The following LAMA2 variants were observed in gnomAD, a reference collection of about 807,000 sequenced individuals.
The protein encoded by LAMA2 is laminin subunit alpha 2, also known as laminin subunit alpha-2.
A neutral mutation model predicts 364.8 loss-of-function variants in LAMA2; 269 were observed. That is an observed-to-expected ratio of 0.74 (90% CI 0.67 to 0.82). LAMA2 has a LOEUF of 0.82. Among genes scored for constraint, LAMA2 ranks in the 40% least tolerant of loss-of-function variants. The pLI, the probability that LAMA2 is intolerant of heterozygous loss-of-function variation, is 0.00. For missense variants in LAMA2, 3,807 were observed against 3,873.2 expected (o/e 0.98, Z 0.45); for synonymous variants, 1,379 against 1,370.6 (o/e 1.01, Z -0.14).
chr6:129,497,458 G>A lies in LAMA2; in HGVS notation c.8244+4975G>A, dbSNP rs543171919. ...TCACCATGTTGGCCAGGCTGGTCTC[G>A]AACTCTTGGGAAGTGATCCACCTGC... On this transcript the variant is annotated intron_variant, in intron 58 of 64. Coordinates refer to ENST00000421865, the MANE Select transcript of LAMA2 (RefSeq NM_000426.4). 8.5e-5 allele frequency among the ~76,000 whole-genome samples: 13 copies of A among 152,152 alleles called. No homozygotes were observed. In the East Asian group the frequency reaches 9.7e-4, roughly 11 times the overall value.
intron 1 of LAMA2, among the ~76,000 whole-genome samples, chr6:129,018,016 A>G (rs995548910): frequency 2.5e-4 from 38 of 151,686 alleles, no homozygotes; most frequent in African/African-American, 8.7e-4. Context: ...GTGATTTGAA[A>G]CATTTTAGGG....
At position 129,291,697 on chromosome 6, in the gene LAMA2, G is replaced by C. The variant is rs372574661; in HGVS notation, c.2833G>C (p.Gly945Arg). The part of the protein sequence containing the change: ...GQCECRANVQ[G>R]QRCDKCKAGT... ...GTGTGAGTGCAGAGCCAACGTTCAG[G>C]GTCAGAGATGTGACAAATGCAAGGT... The change falls in exon 20 of 65, where the codon GGT becomes CGT. Residue 945 changes from glycine (G) to arginine (R), a missense_variant. Gly to Arg is a moderately radical substitution (Grantham distance 125). Around this residue, in one of 3 missense-constraint regions of LAMA2, gnomAD observed 3,333 missense variants for 3,345.7 expected, o/e 1.00. Transcript: ENST00000421865. 2.5e-6 allele frequency: 4 copies of C among 1,613,472 alleles called. No homozygotes were observed. In the African/African-American group the frequency reaches 5.3e-5, roughly 22 times the overall value.
At chr6:128,898,797 T>C (rs1339353440) in intron 1 of LAMA2, among the ~76,000 whole-genome samples, 2 of 152,236 alleles carry the variant, frequency 1.3e-5, no homozygotes, top group African/African-American at 2.4e-5. Context: ...TGACAGCTCT[T>C]GTATTTTTCT....
intron 1 of LAMA2, among the ~76,000 whole-genome samples, chr6:128,955,829 C>G (rs1271286543): frequency 1.3e-5 from 2 of 151,890 alleles, no homozygotes; most frequent in East Asian, 3.9e-4. Flanking sequence ...ATTGTAAAAA[C>G]ATTTTAAATG....
At chr6:129,254,498 C>T (rs1786493802) in intron 14 of LAMA2, among the ~76,000 whole-genome samples, 2 of 152,152 alleles carry the variant, frequency 1.3e-5, no homozygotes, top group African/African-American at 4.8e-5. Flanking sequence ...TAACCCAGCA[C>T]ACAAATATGA....
chr6:129,092,673 A>G (rs926785606), intron 3 of LAMA2, among the ~76,000 whole-genome samples: 4 of 152,238 alleles, frequency 2.6e-5, no homozygotes, highest in African/African-American at 7.2e-5. Context: ...GCAATATGGG[A>G]AGGAGGCGGA....
intron 4 of LAMA2, among the ~76,000 whole-genome samples, chr6:129,109,818 T>G (rs1776037877): frequency 6.6e-6 from 1 of 152,104 alleles, no homozygotes; most frequent in Admixed American, 6.6e-5. Flanking sequence ...TTTCTGTTAT[T>G]TTTATTATTA....
intron 10 of LAMA2, among the ~76,000 whole-genome samples, chr6:129,179,803 C>T (rs1188157483): frequency 6.6e-6 from 1 of 152,006 alleles, no homozygotes. Flanking sequence ...TTGCAGAAAG[C>T]AAGTTTCATA....
intron 8 of LAMA2, among the ~76,000 whole-genome samples, chr6:129,160,297 T>A (rs991882124): frequency 2.0e-5 from 3 of 152,104 alleles, no homozygotes; most frequent in African/African-American, 7.2e-5. Flanking sequence ...TATTAATATC[T>A]TTAGGGAGGG....
chr6:129,205,495 C>CAT lies in LAMA2; in HGVS notation c.1782+12643_1782+12644insTA, dbSNP rs1449237856. ...TTCTGTAAGTATATATATATATATACACACACACACACACACACACACACA... is the reference window on the plus strand; with the variant it reads ...TTCTGTAAGTATATATATATATATACATACACACACACACACACACACACACA... On this transcript the variant is annotated intron_variant, in intron 12 of 64. Coordinates refer to ENST00000421865, the MANE Select transcript of LAMA2 (RefSeq NM_000426.4). 5.9e-5 allele frequency among the ~76,000 whole-genome samples: 4 copies of CAT among 67,618 alleles called. No homozygotes were observed. In the East Asian group the frequency reaches 1.1e-3, roughly 19 times the overall value. 44.4% of individuals were successfully genotyped at this position (67,618 alleles called of 152,430 possible). A position where few individuals can be genotyped will look rare whatever the true frequency, so the allele number is the denominator to read the frequency against.
At chr6:128,939,029 A>G (rs1167437184) in intron 1 of LAMA2, among the ~76,000 whole-genome samples, 1 of 152,094 alleles carries the variant, frequency 6.6e-6, no homozygotes, top group Non-Finnish European at 1.5e-5. Flanking sequence ...TGGAACAGTT[A>G]TTCAGCTTAC....
intron 1 of LAMA2, among the ~76,000 whole-genome samples, chr6:128,914,392 G>A (rs377574158): frequency 1.8e-4 from 28 of 152,216 alleles, no homozygotes; most frequent in East Asian, 7.7e-4. Context: ...TGAAATCAGC[G>A]AACAAAATGT....
chr6:129,124,740 A>G (rs972537500), intron 4 of LAMA2, among the ~76,000 whole-genome samples: 2 of 152,252 alleles, frequency 1.3e-5, no homozygotes, highest in African/African-American at 4.8e-5. Context: ...TACCGCATAC[A>G]GTTCAGAATT....
intron 44 of LAMA2, among the ~76,000 whole-genome samples, chr6:129,445,333 A>T (rs1370806277): frequency 6.6e-6 from 1 of 152,210 alleles, no homozygotes; most frequent in Non-Finnish European, 1.5e-5. Flanking sequence ...TGCTTCTGTG[A>T]CTAAAGTTCT....
chr6:129,488,566 C>T (rs1455386666), intron 56 of LAMA2, among the ~76,000 whole-genome samples: 1 of 152,158 alleles, frequency 6.6e-6, no homozygotes, highest in East Asian at 1.9e-4. Context: ...TTTGATTAAG[C>T]TCAGTATATA....
chr6:129,240,467 A>G (rs1381478131), intron 12 of LAMA2, among the ~76,000 whole-genome samples: 3 of 152,214 alleles, frequency 2.0e-5, no homozygotes, highest in African/African-American at 7.2e-5. Flanking sequence ...CAAATGTTCC[A>G]AGAAAACAAT....
At chr6:129,467,145 A>G (rs957177916) in intron 51 of LAMA2, among the ~76,000 whole-genome samples, 1 of 151,910 alleles carries the variant, frequency 6.6e-6, no homozygotes, top group African/African-American at 2.4e-5. Context: ...AATGTGGTAT[A>G]TATACACCAC....
chr6:129,470,229 G>T (rs1298513784), intron 51 of LAMA2, among the ~76,000 whole-genome samples: 3 of 151,622 alleles, frequency 2.0e-5, no homozygotes, highest in South Asian at 4.2e-4. Context: ...GGGTGGGGGG[G>T]TCATAAGACC....
chr6:128,957,399 A>C (rs1408369237), intron 1 of LAMA2, among the ~76,000 whole-genome samples: 1 of 152,044 alleles, frequency 6.6e-6, no homozygotes, highest in African/African-American at 2.4e-5. Context: ...TTCTTTATGC[A>C]TTTACATCAT....
Sources: allele counts gnomAD v4.1 joint callset (sites outside exome capture counted in the v4.1 genomes callset), GRCh38; gene constraint gnomAD v4.1.1; regional missense constraint gnomAD v4.1.1; transcripts MANE v1.5; gene names NCBI Gene and HGNC (gene_info 2026-07-23, HGNC 2026-07-21).